The following COBL variants were observed in gnomAD, a reference collection of about 807,000 sequenced individuals.
COBL encodes the protein protein cordon-bleu.
Under a neutral mutation model 98.8 loss-of-function variants are expected in COBL, and 51 were observed. That is an observed-to-expected ratio of 0.52 (90% CI 0.41 to 0.65). The LOEUF (loss-of-function observed/expected upper bound fraction) is 0.65. COBL is among the 30% of genes least tolerant of loss of function. The pLI is 0.00. For synonymous variants in COBL, 634 were observed against 651.7 expected (o/e 0.97, Z 0.41); for missense variants, 1,617 against 1,617.5 (o/e 1.00, Z 0.01).
chr7:51,273,898 T>C (rs1405665845), intron 1 of COBL, among the ~76,000 whole-genome samples: 1 of 152,142 alleles, frequency 6.6e-6, no homozygotes, highest in Non-Finnish European at 1.5e-5. Context: ...ACCGCCACAG[T>C]TCACGTACCC....
rs190711928 is a variant in COBL at position 51,228,168 on chromosome 7, G to A, written c.42-8224C>T. Among the ~76,000 whole-genome samples, 547 of 152,122 alleles carry A rather than the reference G, an allele frequency of 3.6e-3. 3 individuals are homozygous for A. Among genetic ancestry groups the A allele is most frequent in the Non-Finnish European group, 5.6e-3 (382 of 67,998 alleles). On this transcript the variant is annotated intron_variant, in intron 1 of 12. Coordinates refer to ENST00000265136, the MANE Select transcript of COBL (RefSeq NM_015198.5). ...ACATCAGGTCAAATCCAGCCACGAC[G>A]TGGCCACGCTGTGCATCTCCCCCAG...
chr7:51,205,599 T>C (rs1791599765), intron 2 of COBL, among the ~76,000 whole-genome samples: 1 of 151,678 alleles, frequency 6.6e-6, no homozygotes, highest in Non-Finnish European at 1.5e-5. Context: ...CTTCATGACA[T>C]TGGTCTGGGC....
intron 6 of COBL, among the ~76,000 whole-genome samples, chr7:51,085,703 C>A (rs535614962): frequency 2.6e-5 from 4 of 152,256 alleles, no homozygotes; most frequent in African/African-American, 9.6e-5. Context: ...GATGGGCTGC[C>A]GTGAATTGTG....
At chr7:51,098,225 T>TTTTTTTTTTTTC (rs201205041) in intron 6 of COBL, among the ~76,000 whole-genome samples, 1 of 65,600 alleles carries the variant, frequency 1.5e-5, no homozygotes, top group Non-Finnish European at 3.5e-5. Flanking sequence ...TAGCAGTTTC[T>TTTTTTTTTTTTC]TTTTTTTTTT....
At chr7:51,310,220 G>A (rs1445363405) in intron 1 of COBL, among the ~76,000 whole-genome samples, 1 of 152,238 alleles carries the variant, frequency 6.6e-6, no homozygotes, top group African/African-American at 2.4e-5. Context: ...AGCACTGGCA[G>A]AGAACACTGG....
At chr7:51,098,444 G>A (rs1179087368) in intron 6 of COBL, among the ~76,000 whole-genome samples, 2 of 151,818 alleles carry the variant, frequency 1.3e-5, no homozygotes, top group African/African-American at 4.8e-5. Flanking sequence ...AACAGAATAA[G>A]GAGCTCAAAA....
At chr7:51,074,622 C>T (rs1340111959) in intron 7 of COBL, among the ~76,000 whole-genome samples, 2 of 152,184 alleles carry the variant, frequency 1.3e-5, no homozygotes, top group Non-Finnish European at 2.9e-5. Context: ...GTACATGCTA[C>T]TAGTTAAAGC....
chr7:51,033,500 G>C (rs1247610602), intron 8 of COBL: 2 of 152,260 alleles, frequency 1.3e-5, no homozygotes, highest in Admixed American at 6.5e-5. Flanking sequence ...AGCATGTTAT[G>C]TGAAGAAATC....
chr7:51,292,837 TC>T (rs1801037493), intron 1 of COBL, among the ~76,000 whole-genome samples: 1 of 152,206 alleles, frequency 6.6e-6, no homozygotes, highest in African/African-American at 2.4e-5. Context: ...AGCAGGGCCC[TC>T]TAGGGATGCC....
chr7:51,128,537 G>T lies in COBL; in HGVS notation c.957+7621C>A, dbSNP rs185955000. ...GGGGAGAGAAATGAGAGGGAGGGGC[G>T]GGGAGCAGGTGCTGAAGAATCCTCC... On this transcript the variant is annotated intron_variant, in intron 6 of 12. Transcript: ENST00000265136. 2.7e-3 allele frequency among the ~76,000 whole-genome samples: 412 copies of T among 152,246 alleles called. 2 individuals carry two copies. Among genetic ancestry groups the T allele is most frequent in the Non-Finnish European group, 5.0e-3 (340 of 68,020 alleles).
chr7:51,044,609 A>G (rs183377660), intron 7 of COBL, among the ~76,000 whole-genome samples: 23 of 152,356 alleles, frequency 1.5e-4, no homozygotes, highest in Admixed American at 9.8e-4. Flanking sequence ...CATATGATCT[A>G]AGCACTATTT....
chr7:51,253,089 TGGC>T (rs1299577224), intron 1 of COBL, among the ~76,000 whole-genome samples: 9 of 152,054 alleles, frequency 5.9e-5, no homozygotes, highest in Admixed American at 5.9e-4. Flanking sequence ...CCAGTCATGG[TGGC>T]GGGCACCTGT....
chr7:51,266,845 G>A (rs990912920), intron 1 of COBL, among the ~76,000 whole-genome samples: 12 of 152,150 alleles, frequency 7.9e-5, no homozygotes, highest in African/African-American at 2.9e-4. Flanking sequence ...TCAGGGTTGG[G>A]AGGAGTTGCC....
At chr7:51,041,570 G>A (rs1371098582) in intron 8 of COBL, among the ~76,000 whole-genome samples, 1 of 132,560 alleles carries the variant, frequency 7.5e-6, no homozygotes, top group African/African-American at 2.9e-5. Flanking sequence ...TGCAACCTCT[G>A]CCTCCAGTGT....
chr7:51,258,401 C>A (rs770160866), intron 1 of COBL, among the ~76,000 whole-genome samples: 4 of 152,132 alleles, frequency 2.6e-5, no homozygotes, highest in Admixed American at 6.5e-5. Context: ...CGACATTAAA[C>A]CCTAGGACAG....
At chr7:51,198,102 T>C (rs1271801877) in intron 2 of COBL, among the ~76,000 whole-genome samples, 3 of 152,344 alleles carry the variant, frequency 2.0e-5, no homozygotes, top group Middle Eastern at 3.4e-3. Context: ...GGTTGCTTTA[T>C]AGTGTCAGTA....
At position 51,025,335 on chromosome 7, in the gene COBL, C is replaced by T. The variant is rs895138378; in HGVS notation, c.3542G>A (p.Arg1181Gln). Residue 1181 changes from arginine (R) to glutamine (Q), a missense_variant, in exon 12 of 13, where the codon CGA becomes CAA. Arg to Gln is a conservative substitution (Grantham distance 43). This residue lies in a region of COBL where 1,304 missense variants were observed against 1,282.0 expected (regional missense o/e 1.02). Coordinates refer to ENST00000265136, the MANE Select transcript of COBL (RefSeq NM_015198.5). ...GCCCTGAGCAGAGAGTGCGGCATCTCGGAAGCTCTGGAGCTCCTCAGAAGC... is the reference window on the plus strand; with the variant it reads ...GCCCTGAGCAGAGAGTGCGGCATCTTGGAAGCTCTGGAGCTCCTCAGAAGC... ...SSASEELQSF[R>Q]DAALSAQGSE... The T allele has an allele frequency of 7.4e-6, 12 of 1,613,320 alleles. No individual in the cohort carries two copies. The highest frequency in any genetic ancestry group is 2.7e-5 in the African/African-American group (2 of 74,880).
At chr7:51,083,142 G>C (rs1793841369) in intron 7 of COBL, 2 of 1,520,438 alleles carry the variant, frequency 1.3e-6, no homozygotes, top group East Asian at 2.5e-5. Flanking sequence ...TCGGGAGGAG[G>C]GTAGGGCGGG....
At chr7:51,247,633 G>A in intron 1 of COBL, among the ~76,000 whole-genome samples, 1 of 152,060 alleles carries the variant, frequency 6.6e-6, no homozygotes, top group Non-Finnish European at 1.5e-5. Flanking sequence ...GGCATTCATG[G>A]CAGGGGGTGG....
Sources: gnomAD v4.1 joint callset for allele counts (sites outside exome capture counted in the v4.1 genomes callset) on GRCh38, gnomAD v4.1.1 for gene constraint, gnomAD v4.1.1 regional missense constraint, MANE v1.5 for transcripts, NCBI Gene and HGNC (gene_info 2026-07-23, HGNC 2026-07-21) for gene names.